Variants in PCNT observed in about 807,000 individuals in gnomAD.
PCNT encodes kendrin.
In PCNT, 319 loss-of-function variants were observed where a neutral mutation model predicts 380.4. That is an observed-to-expected ratio of 0.84 (90% CI 0.77 to 0.92). PCNT has a LOEUF of 0.92. PCNT is among the 40% of genes least tolerant of loss of function. The pLI is 0.00. For synonymous variants in PCNT, 1,845 were observed against 1,735.2 expected (o/e 1.06, Z -1.57); for missense variants, 4,400 against 4,255.3 (o/e 1.03, Z -0.95).
rs1014454101 is a variant in PCNT at position 46,346,309 on chromosome 21, C to T, written c.720+101C>T. 6 of 662,364 alleles carry T rather than the reference C, an allele frequency of 9.1e-6. No homozygotes were observed. In the African/African-American group the frequency reaches 9.1e-5, roughly 10 times the overall value. The allele number at this position is 662,364 out of a possible 1,614,324, so 41.0% of individuals were successfully genotyped here. A position where few individuals can be genotyped will look rare whatever the true frequency, so the allele number is the denominator to read the frequency against. ...GGGGTGGGGTGGGCGCTGCCATCTC[C>T]TTTCTCTGAGTTGTCTGTTTCCACG... On this transcript the variant is annotated intron_variant, in intron 4 of 46. Transcript: ENST00000359568.
intron 27 of PCNT, among the ~76,000 whole-genome samples, chr21:46,405,898 T>G (rs1030413463): frequency 3.3e-5 from 5 of 152,234 alleles, no homozygotes; most frequent in African/African-American, 1.2e-4. Flanking sequence ...TATTTTCTTG[T>G]GGGATTTTTC....
At chr21:46,436,794 C>T (rs914432670) in intron 39 of PCNT, among the ~76,000 whole-genome samples, 185 bp from the exon 40 acceptor site, 5 of 152,154 alleles carry the variant, frequency 3.3e-5, no homozygotes, top group East Asian at 3.9e-4. Context: ...TCTGCAGAAG[C>T]GTCCAGCCAC....
intron 3 of PCNT, among the ~76,000 whole-genome samples, chr21:46,337,107 C>T (rs1003794591): frequency 6.6e-6 from 1 of 152,058 alleles, no homozygotes; most frequent in Admixed American, 6.6e-5. Context: ...AAGTGATTCT[C>T]CTGCCTCAGC....
rs62224220 is a variant in PCNT at position 46,378,496 on chromosome 21, G to A, written c.3166-3198G>A. Among the ~76,000 whole-genome samples, 617 of 152,304 alleles carry A rather than the reference G, an allele frequency of 4.1e-3. 1 individual carries two copies. Among genetic ancestry groups the A allele is most frequent in the Non-Finnish European group, 6.5e-3 (445 of 68,038 alleles). On this transcript the variant is annotated intron_variant, in intron 15 of 46. Coordinates refer to ENST00000359568, the MANE Select transcript of PCNT (RefSeq NM_006031.6). ...GGTCTGATCACCGAGATGCCTGCGTGTGGGCAGGTAGTGCTTGCCACGTGG... is the reference window on the plus strand; with the variant it reads ...GGTCTGATCACCGAGATGCCTGCGTATGGGCAGGTAGTGCTTGCCACGTGG...
intron 30 of PCNT, among the ~76,000 whole-genome samples, 180 bp downstream of exon 30, chr21:46,417,019 T>C (rs918762514): frequency 1.2e-4 from 19 of 152,200 alleles, no homozygotes; most frequent in African/African-American, 4.6e-4. Context: ...TGTTCAGGTA[T>C]TTTTAAAATG....
intron 43 of PCNT, 30 bp downstream of exon 43, chr21:46,441,114 TC>T: frequency 4.4e-6 from 6 of 1,367,538 alleles, no homozygotes; most frequent in Non-Finnish European, 6.3e-6. Flanking sequence ...GTCAGTGCGT[TC>T]CGCGTCTGTC....
At chr21:46,426,911 C>T (rs920172435) in intron 33 of PCNT, among the ~76,000 whole-genome samples, 8 of 152,332 alleles carry the variant, frequency 5.3e-5, no homozygotes, top group Middle Eastern at 3.4e-3. Flanking sequence ...GTGCCTGGAA[C>T]GCACAGGGTG....
chr21:46,394,574 C>T (rs1391842021), intron 21 of PCNT: 15 of 976,036 alleles, frequency 1.5e-5, no homozygotes, highest in Non-Finnish European at 1.8e-5. Flanking sequence ...GTGTGACGTG[C>T]TGTTTGTTTG....
chr21:46,363,052 C>T (rs569693088), intron 13 of PCNT, among the ~76,000 whole-genome samples: 3 of 152,308 alleles, frequency 2.0e-5, no homozygotes, highest in East Asian at 1.9e-4. Context: ...CCTGGGCATC[C>T]GATCATGCTT....
intron 15 of PCNT, among the ~76,000 whole-genome samples, chr21:46,381,174 C>CAA (rs34108721): frequency 3.1e-5 from 3 of 96,000 alleles, no homozygotes; most frequent in Non-Finnish European, 4.3e-5. Flanking sequence ...AGAGTCCTTC[C>CAA]AAAAAAAAAA....
chr21:46,444,565 C>T (rs1214427356), intron 45 of PCNT, 129 bp from the exon 46 acceptor site: 3 of 931,278 alleles, frequency 3.2e-6, no homozygotes, highest in South Asian at 2.9e-5. Flanking sequence ...CCCAGAGTCA[C>T]CCATCCCCAC....
intron 16 of PCNT, among the ~76,000 whole-genome samples, chr21:46,382,479 A>G (rs1473161891): frequency 3.5e-3 from 305 of 87,012 alleles, no homozygotes; most frequent in South Asian, 4.9e-3. Flanking sequence ...ATATTCAGTG[A>G]CGGAAGCGCA....
chr21:46,337,770 T>C (rs1362554517), intron 3 of PCNT, among the ~76,000 whole-genome samples: 1 of 151,812 alleles, frequency 6.6e-6, no homozygotes, highest in Admixed American at 6.6e-5. Context: ...TTAGTAGAGA[T>C]GGGGTTTCAC....
intron 2 of PCNT, among the ~76,000 whole-genome samples, chr21:46,328,879 T>C (rs1037605235): frequency 6.6e-6 from 1 of 152,194 alleles, no homozygotes; most frequent in African/African-American, 2.4e-5. Context: ...TTTCAAGCGT[T>C]TCTCCTGCAT....
chr21:46,335,033 CT>C (rs2083688394), intron 3 of PCNT, among the ~76,000 whole-genome samples: 1 of 152,174 alleles, frequency 6.6e-6, no homozygotes, highest in African/African-American at 2.4e-5. Context: ...TGTGATCTTC[CT>C]TTTTTGTTTT....
intron 27 of PCNT, among the ~76,000 whole-genome samples, chr21:46,407,127 T>C (rs2086642778): frequency 6.6e-6 from 1 of 152,220 alleles, no homozygotes; most frequent in African/African-American, 2.4e-5. Flanking sequence ...TTATTTAACA[T>C]AGCTGGGATT....
intron 32 of PCNT, among the ~76,000 whole-genome samples, chr21:46,422,391 C>T (rs934141091): frequency 2.0e-5 from 3 of 152,218 alleles, no homozygotes; most frequent in South Asian, 2.1e-4. Context: ...GGTGTTGCCC[C>T]GAGTCGCAGA....
chr21:46,445,735 G>T lies in PCNT; in HGVS notation c.*408G>T. 1 of 175,532 alleles carries T rather than the reference G, an allele frequency of 5.7e-6. No homozygotes were observed. The highest frequency in any genetic ancestry group is 1.5e-4 in the East Asian group (1 of 6,602). The allele number at this position is 175,532 out of a possible 1,614,324, so 10.9% of individuals were successfully genotyped here. ...AAATAAAAACAAAACAACTCAAAAA[G>T]GAATAAAATTTAATCACTGTTTTGT... On this transcript the variant is annotated 3_prime_UTR_variant, in exon 47 of 47. Coordinates refer to ENST00000359568, the MANE Select transcript of PCNT (RefSeq NM_006031.6).
intron 10 of PCNT, 119 bp from the exon 11 acceptor site, chr21:46,353,868 C>T: frequency 2.4e-6 from 2 of 845,436 alleles, no homozygotes; most frequent in Non-Finnish European, 4.0e-6. Flanking sequence ...CATTGCCCGT[C>T]CTTGACTGGA....
Sources: gnomAD v4.1 joint callset for allele counts (sites outside exome capture counted in the v4.1 genomes callset) on GRCh38, gnomAD v4.1.1 for gene constraint, MANE v1.5 for transcripts, NCBI Gene and HGNC (gene_info 2026-07-23, HGNC 2026-07-21) for gene names.